The following GHR variants were observed in gnomAD, a reference collection of about 807,000 sequenced individuals.
GHR encodes the protein growth hormone receptor, also known as GH receptor.
In GHR, 35 loss-of-function variants were observed where a neutral mutation model predicts 67.1. The ratio of observed to expected loss-of-function variants is 0.52; its 90% confidence interval spans 0.40 to 0.69. The LOEUF (loss-of-function observed/expected upper bound fraction) is 0.69, where lower values mean the gene tolerates loss of function less well. Among genes scored for constraint, GHR ranks in the 30% least tolerant of loss-of-function variants. The pLI, the probability that GHR is intolerant of heterozygous loss-of-function variation, is 0.00. For missense variants in GHR, 792 were observed against 764.6 expected (o/e 1.04, Z -0.42); for synonymous variants, 272 against 269.1 (o/e 1.01, Z -0.10).
chr5:42,460,306 T>C (rs926123302), intron 1 of GHR, among the ~76,000 whole-genome samples: 4 of 152,226 alleles, frequency 2.6e-5, no homozygotes, highest in Admixed American at 6.5e-5. Context: ...CCAATTATTA[T>C]ACCATGTAAG....
At chr5:42,479,131 T>C (rs1014669670) in intron 1 of GHR, among the ~76,000 whole-genome samples, 2 of 152,242 alleles carry the variant, frequency 1.3e-5, no homozygotes. Context: ...TTTCTGCGTC[T>C]ATTGAGATAA....
intron 3 of GHR, among the ~76,000 whole-genome samples, chr5:42,670,472 T>A (rs985416312): frequency 3.3e-5 from 5 of 152,314 alleles, no homozygotes; most frequent in Admixed American, 3.3e-4. Flanking sequence ...AGAAGTTTCA[T>A]GGATATGACC....
At chr5:42,528,951 G>C (rs2112331730) in intron 1 of GHR, among the ~76,000 whole-genome samples, 1 of 151,704 alleles carries the variant, frequency 6.6e-6, no homozygotes, top group Middle Eastern at 3.4e-3. Context: ...TATATACATT[G>C]TGCTCTTTTT....
chr5:42,565,689 G>A (rs763920964), intron 1 of GHR, 175 bp from the exon 2 acceptor site: 49 of 985,198 alleles, frequency 5.0e-5, no homozygotes, highest in Non-Finnish European at 5.7e-5. Context: ...CCTGCTGTTT[G>A]AGTTCATGAA....
chr5:42,448,573 CTATTATTATTATTAT>C (rs56084873), intron 1 of GHR, among the ~76,000 whole-genome samples: 5,430 of 144,326 alleles, frequency 0.038, 283 homozygotes, highest in East Asian at 0.12. Context: ...TATCTGTTTA[CTATTATTATTATTAT>C]TATTATTATT....
intron 5 of GHR, among the ~76,000 whole-genome samples, chr5:42,695,875 T>C (rs958589399): frequency 6.6e-6 from 1 of 152,240 alleles, no homozygotes. Flanking sequence ...CCCAAATGTA[T>C]TGTTCTTTTT....
chr5:42,468,646 G>A, intron 1 of GHR: 1 of 1,062,062 alleles, frequency 9.4e-7, no homozygotes, highest in East Asian at 2.4e-5. Flanking sequence ...TGTCTTTCTG[G>A]GACTCCTTGC....
At chr5:42,664,631 C>G (rs1324566613) in intron 3 of GHR, among the ~76,000 whole-genome samples, 2 of 152,112 alleles carry the variant, frequency 1.3e-5, no homozygotes, top group Non-Finnish European at 2.9e-5. Context: ...GACCTAAAAC[C>G]ATAAAAACCC....
At chr5:42,672,123 G>A (rs954323330) in intron 3 of GHR, among the ~76,000 whole-genome samples, 33 of 152,080 alleles carry the variant, frequency 2.2e-4, no homozygotes, top group African/African-American at 7.7e-4. Flanking sequence ...ATTCATGACA[G>A]TACTTGAAGT....
chr5:42,604,714 T>G (rs1221130311), intron 2 of GHR, among the ~76,000 whole-genome samples: 4 of 60 alleles, frequency 0.067, no homozygotes, highest in Non-Finnish European at 0.21. Context: ...CACCCCTCTA[T>G]TTTTTTTTTT....
intron 1 of GHR, among the ~76,000 whole-genome samples, chr5:42,461,710 T>G (rs573588563): frequency 6.6e-6 from 1 of 152,340 alleles, no homozygotes; most frequent in Non-Finnish European, 1.5e-5. Context: ...CAGCCAGTTG[T>G]GTTTTGCTGT....
At chr5:42,599,428 T>C (rs1752251037) in intron 2 of GHR, among the ~76,000 whole-genome samples, 1 of 136,330 alleles carries the variant, frequency 7.3e-6, no homozygotes, top group Admixed American at 7.9e-5. Flanking sequence ...AGTGGCACAA[T>C]CTCAGCTCAC....
chr5:42,706,506 GGT>G (rs1203793325), intron 6 of GHR, among the ~76,000 whole-genome samples: 2 of 151,950 alleles, frequency 1.3e-5, no homozygotes, highest in Non-Finnish European at 2.9e-5. Flanking sequence ...TTTCTTCTAG[GGT>G]TTTTATAGTT....
intron 2 of GHR, among the ~76,000 whole-genome samples, chr5:42,581,627 T>C (rs753143929): frequency 7.9e-5 from 12 of 152,212 alleles, no homozygotes; most frequent in East Asian, 3.9e-4. Context: ...TGAAGCCTCA[T>C]ACATAGAGAT....
At chr5:42,693,126 A>C (rs998314047) in intron 4 of GHR, among the ~76,000 whole-genome samples, 11 of 141,934 alleles carry the variant, frequency 7.8e-5, no homozygotes, top group African/African-American at 2.8e-4. Flanking sequence ...TGAATCTCTC[A>C]TTCAAGCATA....
In GHR at chr5:42,512,937, C is replaced by G. The variant is rs544779043; in HGVS notation, c.-11-52927C>G. 2.5e-3 allele frequency among the ~76,000 whole-genome samples: 378 copies of G among 152,126 alleles called. 2 individuals are homozygous for G. The highest frequency in any genetic ancestry group is 5.9e-3 in the Admixed American group (90 of 15,276). On this transcript the variant is annotated intron_variant, in intron 1 of 9. Transcript: ENST00000230882. The stretch of plus-strand genomic sequence containing the variant: ...TAATCCAGCAACATTTTTGTATACC[C>G]TGAGGTTATTACTTTGATGTCCTGA...
intron 1 of GHR, among the ~76,000 whole-genome samples, chr5:42,529,318 AC>A (rs1468387038): frequency 6.6e-6 from 1 of 152,058 alleles, no homozygotes; most frequent in Non-Finnish European, 1.5e-5. Flanking sequence ...GCCAGACATA[AC>A]TTTTATATAC....
chr5:42,718,501 T>C lies in GHR; in HGVS notation c.994T>C (p.Tyr332His). Residue 332 changes from tyrosine to histidine, a missense_variant, in exon 10 of 10, where the codon TAT becomes CAT. By Grantham distance (83) the Tyr-to-His change is moderately conservative (BLOSUM62 2). Coordinates refer to ENST00000230882, the MANE Select transcript of GHR (RefSeq NM_000163.5). ...CACAATCTTAGCCATTCATGATAGC[T>C]ATAAACCCGAATTCCACAGTGATGA... is the stretch of plus-strand genomic sequence containing the variant. ...VNTILAIHDSYKPEFHSDDSW... is the reference protein window; with the variant it reads ...VNTILAIHDSHKPEFHSDDSW... 1 of 1,612,450 alleles carries C rather than the reference T, an allele frequency of 6.2e-7. No individual in the cohort carries two copies. The highest frequency in any genetic ancestry group is 8.5e-7 in the Non-Finnish European group (1 of 1,178,444).
At chr5:42,511,740 C>T (rs1057050089) in intron 1 of GHR, among the ~76,000 whole-genome samples, 1 of 151,880 alleles carries the variant, frequency 6.6e-6, no homozygotes, top group African/African-American at 2.4e-5. Flanking sequence ...TTTTATCAAA[C>T]CTGGTTTTAT....
Sources: gnomAD v4.1 joint callset for allele counts (sites outside exome capture counted in the v4.1 genomes callset) on GRCh38, gnomAD v4.1.1 for gene constraint, MANE v1.5 for transcripts, NCBI Gene and HGNC (gene_info 2026-07-23, HGNC 2026-07-21) for gene names.